CADM2: variants seen among roughly 807,000 people sequenced by gnomAD.
CADM2 encodes immunoglobulin superfamily member 4D.
Under a neutral mutation model 49.8 loss-of-function variants are expected in CADM2, and 12 were observed. The observed-to-expected ratio is 0.24, with a 90% CI of 0.15 to 0.39. The LOEUF (loss-of-function observed/expected upper bound fraction) is 0.39, where lower values mean the gene tolerates loss of function less well. Among genes scored for constraint, CADM2 ranks in the 10% least tolerant of loss-of-function variants. The pLI, the probability that CADM2 is intolerant of heterozygous loss-of-function variation, is 1.00. For synonymous variants in CADM2, 214 were observed against 175.4 expected, an observed-to-expected ratio of 1.22 and a Z score of -1.74; for missense variants, 378 against 492.3, an observed-to-expected ratio of 0.77 and a Z score of 2.20.
chr3:85,482,110 T>A (rs1273746587), intron 1 of CADM2, among the ~76,000 whole-genome samples: 1 of 151,736 alleles, frequency 6.6e-6, no homozygotes, highest in African/African-American at 2.4e-5. Context: ...TTTACCGAAA[T>A]TCAAAATTTG....
At chr3:85,276,653 A>T (rs529533516) in intron 1 of CADM2, among the ~76,000 whole-genome samples, 3 of 151,496 alleles carry the variant, frequency 2.0e-5, no homozygotes, top group African/African-American at 7.2e-5. Flanking sequence ...ATGCAAGTAA[A>T]CACTAAGAGG....
At chr3:85,355,628 A>AT (rs2031791705) in intron 1 of CADM2, among the ~76,000 whole-genome samples, 1 of 152,158 alleles carries the variant, frequency 6.6e-6, no homozygotes, top group Non-Finnish European at 1.5e-5. Context: ...ACAATTGTAG[A>AT]TAATGGTGAG....
chr3:85,581,108 C>A (rs2107294908), intron 1 of CADM2, among the ~76,000 whole-genome samples: 1 of 152,198 alleles, frequency 6.6e-6, no homozygotes, highest in South Asian at 2.1e-4. Context: ...ACTCTGCACA[C>A]TATGTTTAGA....
intron 1 of CADM2, among the ~76,000 whole-genome samples, chr3:85,634,973 T>C (rs2064420040): frequency 6.6e-6 from 1 of 152,066 alleles, no homozygotes; most frequent in South Asian, 2.1e-4. Flanking sequence ...ATCTGTAAAA[T>C]AGAAATTGTA....
At chr3:85,868,482 A>T (rs1457970995) in intron 3 of CADM2, among the ~76,000 whole-genome samples, 1 of 152,112 alleles carries the variant, frequency 6.6e-6, no homozygotes, top group Non-Finnish European at 1.5e-5. Context: ...TGATTGCCTA[A>T]TGAATTTCTT....
chr3:84,961,563 A>T (rs960332826), intron 1 of CADM2, among the ~76,000 whole-genome samples: 1 of 152,062 alleles, frequency 6.6e-6, no homozygotes, highest in Non-Finnish European at 1.5e-5. Context: ...AGACAATCTC[A>T]CAGAGACCCT....
At chr3:85,076,325 G>GTGTT (rs1407035807) in intron 1 of CADM2, among the ~76,000 whole-genome samples, 1 of 151,434 alleles carries the variant, frequency 6.6e-6, no homozygotes, top group East Asian at 1.9e-4. Flanking sequence ...GTGTGTGTGT[G>GTGTT]TGTGTGTGTG....
At chr3:85,136,739 A>T (rs2039424105) in intron 1 of CADM2, among the ~76,000 whole-genome samples, 1 of 151,974 alleles carries the variant, frequency 6.6e-6, no homozygotes, top group Admixed American at 6.5e-5. Context: ...ATGCATTTTT[A>T]ATGACTACCT....
intron 8 of CADM2, chr3:86,013,136 T>G: frequency 7.5e-7 from 1 of 1,338,434 alleles, no homozygotes; most frequent in Non-Finnish European, 1.1e-6. Flanking sequence ...ACCACGTAAG[T>G]AGACACAGAA....
At chr3:85,244,071 T>C (rs1239872381) in intron 1 of CADM2, among the ~76,000 whole-genome samples, 2 of 152,120 alleles carry the variant, frequency 1.3e-5, no homozygotes. Context: ...ACACTTGAGA[T>C]AGGAATCTCA....
At chr3:85,172,515 A>C (rs200542483) in intron 1 of CADM2, among the ~76,000 whole-genome samples, 33 of 152,234 alleles carry the variant, frequency 2.2e-4, no homozygotes, top group Non-Finnish European at 2.6e-4. Context: ...GGTCACTACA[A>C]TTTATCTAAA....
chr3:85,417,694 G>T (rs2035976695), intron 1 of CADM2, among the ~76,000 whole-genome samples: 1 of 152,002 alleles, frequency 6.6e-6, no homozygotes, highest in African/African-American at 2.4e-5. Context: ...AACCTTTAAG[G>T]GTATAAAGGT....
At chr3:85,454,808 G>A (rs781046530) in intron 1 of CADM2, among the ~76,000 whole-genome samples, 1 of 151,814 alleles carries the variant, frequency 6.6e-6, no homozygotes, top group South Asian at 2.1e-4. Context: ...TTAAAGTTGA[G>A]AGGGTGATAT....
intron 7 of CADM2, among the ~76,000 whole-genome samples, chr3:85,954,239 T>C (rs1334335854): frequency 1.3e-5 from 2 of 151,034 alleles, no homozygotes; most frequent in Non-Finnish European, 3.0e-5. Context: ...AGCAATAATT[T>C]TTCAATAATT....
At chr3:85,739,891 G>T (rs1228211152) in intron 2 of CADM2, among the ~76,000 whole-genome samples, 1 of 152,128 alleles carries the variant, frequency 6.6e-6, no homozygotes, top group African/African-American at 2.4e-5. Flanking sequence ...ATGCCCAAGT[G>T]TGCATTCAAA....
At chr3:85,972,078 G>A (rs927304725) in intron 8 of CADM2, among the ~76,000 whole-genome samples, 5 of 151,522 alleles carry the variant, frequency 3.3e-5, no homozygotes, top group Non-Finnish European at 7.4e-5. Flanking sequence ...TGGTGAGTTG[G>A]GACCTTCTCA....
At chr3:85,492,373 C>T (rs1010704858) in intron 1 of CADM2, among the ~76,000 whole-genome samples, 11 of 152,178 alleles carry the variant, frequency 7.2e-5, no homozygotes, top group Admixed American at 5.2e-4. Flanking sequence ...GTGAGGACCA[C>T]CTGAATTCAG....
At chr3:85,303,348 T>C (rs2044144571) in intron 1 of CADM2, among the ~76,000 whole-genome samples, 1 of 151,942 alleles carries the variant, frequency 6.6e-6, no homozygotes, top group African/African-American at 2.4e-5. Flanking sequence ...GTTAAGACTG[T>C]TAATGAAGCT....
chr3:85,850,355 C>A (rs1475963419), intron 3 of CADM2, among the ~76,000 whole-genome samples: 2 of 134,340 alleles, frequency 1.5e-5, no homozygotes, highest in Non-Finnish European at 3.1e-5. Context: ...GACAGAGTCT[C>A]GCTCCGTCGC....
Sources: allele counts gnomAD v4.1 joint callset (sites outside exome capture counted in the v4.1 genomes callset), GRCh38; gene constraint gnomAD v4.1.1; transcripts MANE v1.5; gene names NCBI Gene and HGNC (gene_info 2026-07-23, HGNC 2026-07-21).